Variants in LIMK2 observed in about 807,000 individuals in gnomAD.
LIMK2 encodes the protein LIM domain kinase 2.
In LIMK2, 35 loss-of-function variants were observed where a neutral mutation model predicts 75.7. The ratio of observed to expected loss-of-function variants is 0.46; its 90% CI spans 0.35 to 0.61. The LOEUF (loss-of-function observed/expected upper bound fraction) is 0.61, where lower values mean the gene tolerates loss of function less well. Among genes scored for constraint, LIMK2 ranks in the 20% least tolerant of loss-of-function variants. The probability of loss-of-function intolerance (pLI) is 0.00; values close to 1 mark genes in which losing one functional copy is unlikely to be tolerated. For missense variants in LIMK2, 623 were observed against 831.0 expected (o/e 0.75, Z 3.08); for synonymous variants, 301 against 319.2 (o/e 0.94, Z 0.61).
At chr22:31,270,270 G>A (rs1360324192) in intron 11 of LIMK2, among the ~76,000 whole-genome samples, 1 of 152,152 alleles carries the variant, frequency 6.6e-6, no homozygotes, top group African/African-American at 2.4e-5. Context: ...ATGGCTTTGA[G>A]CAGGGCTGAC....
intron 2 of LIMK2, among the ~76,000 whole-genome samples, chr22:31,231,871 C>T (rs2048531864): frequency 6.6e-6 from 1 of 152,054 alleles, no homozygotes; most frequent in Non-Finnish European, 1.5e-5. Flanking sequence ...GGCTACAGTG[C>T]ACTGGTACAA....
chr22:31,251,323 C>T (rs1423661433), intron 2 of LIMK2, among the ~76,000 whole-genome samples: 1 of 152,182 alleles, frequency 6.6e-6, no homozygotes, highest in Non-Finnish European at 1.5e-5. Flanking sequence ...CCAAAGCAAT[C>T]CATGTTTAAA....
intron 1 of LIMK2, among the ~76,000 whole-genome samples, chr22:31,214,947 T>TA (rs1331657742): frequency 3.3e-5 from 5 of 152,106 alleles, no homozygotes; most frequent in African/African-American, 1.2e-4. Context: ...AGGCAAGTGC[T>TA]ACCACGCCCA....
intron 7 of LIMK2, among the ~76,000 whole-genome samples, chr22:31,263,115 G>C (rs739427): frequency 0.38 from 58,100 of 152,158 alleles, 12,858 homozygotes; most frequent in Middle Eastern, 0.57. Flanking sequence ...GCCTGGAGTA[G>C]GGGCACAGAT....
At chr22:31,277,530 C>A (rs1235079931) in intron 15 of LIMK2, 1 of 1,011,528 alleles carries the variant, frequency 9.9e-7, no homozygotes, top group Non-Finnish European at 1.2e-6. Flanking sequence ...TTCAGTAACA[C>A]CAGTGTAAAA....
chr22:31,257,002 C>T (rs1280829576), intron 2 of LIMK2, among the ~76,000 whole-genome samples: 5 of 143,390 alleles, frequency 3.5e-5, no homozygotes, highest in South Asian at 4.6e-4. Flanking sequence ...AGAGGTGGAG[C>T]TTCATAGCCA....
At chr22:31,240,042 C>T (rs2048611490) in intron 2 of LIMK2, among the ~76,000 whole-genome samples, 1 of 152,190 alleles carries the variant, frequency 6.6e-6, no homozygotes. Context: ...ACTGTAGCAA[C>T]CTGCTGTGCT....
chr22:31,225,956 A>G, intron 2 of LIMK2, 137 bp downstream of exon 2: 1 of 710,884 alleles, frequency 1.4e-6, no homozygotes, highest in Non-Finnish European at 2.4e-6. Flanking sequence ...GTACCAAGGA[A>G]GAGCTCATGA....
intron 2 of LIMK2, among the ~76,000 whole-genome samples, chr22:31,240,872 C>G (rs187919065): frequency 6.6e-6 from 1 of 152,260 alleles, no homozygotes; most frequent in East Asian, 1.9e-4. Context: ...ATGTCAATCA[C>G]CAAACATTTA....
intron 2 of LIMK2, 24 bp downstream of exon 2, chr22:31,225,843 T>A: frequency 2.6e-6 from 4 of 1,532,292 alleles, no homozygotes; most frequent in Non-Finnish European, 3.6e-6. Flanking sequence ...TCCTCCCATC[T>A]TTACCAGTGT....
chr22:31,265,935 C>T lies in LIMK2; in HGVS notation c.855-11C>T. The T allele has an allele frequency of 6.2e-7, 1 of 1,613,412 alleles. No individual in the cohort carries two copies. The highest frequency in any genetic ancestry group is 8.5e-7 in the Non-Finnish European group (1 of 1,179,438). On this transcript the variant is annotated splice_polypyrimidine_tract_variant and intron_variant, in intron 7 of 15. Coordinates refer to ENST00000331728, the MANE Select transcript of LIMK2 (RefSeq NM_005569.4). Reference sequence around the variant, plus strand: ...CTACACATCCCTACTCCCGTCTTTCCTCATCTTCAGGCGCAGTAACAGTAT... The same window carrying T: ...CTACACATCCCTACTCCCGTCTTTCTTCATCTTCAGGCGCAGTAACAGTAT...
At chr22:31,236,477 C>T (rs543348835) in intron 2 of LIMK2, among the ~76,000 whole-genome samples, 12 of 149,734 alleles carry the variant, frequency 8.0e-5, no homozygotes, top group African/African-American at 2.9e-4. Context: ...GGCATGGTGG[C>T]TCATGCCTGT....
rs570606511 is a variant in LIMK2 at position 31,259,739 on chromosome 22, C to T, written c.363-150C>T. Reference sequence around the variant, plus strand: ...CCAGCCCACCCTGAGAACCCAGGCTCCTCATTCTGAGCAGCCAGCTAGAAT... The same window carrying T: ...CCAGCCCACCCTGAGAACCCAGGCTTCTCATTCTGAGCAGCCAGCTAGAAT... On this transcript the variant is annotated intron_variant, in intron 4 of 15. Coordinates refer to ENST00000331728, the MANE Select transcript of LIMK2 (RefSeq NM_005569.4). 7 of 628,720 alleles carry T rather than the reference C, an allele frequency of 1.1e-5. No homozygotes were observed. In the Admixed American group the frequency reaches 1.5e-4, roughly 14 times the overall value. 38.9% of individuals were successfully genotyped at this position (628,720 alleles called of 1,614,324 possible).
At chr22:31,237,260 CAAA>C (rs1349737616) in intron 2 of LIMK2, among the ~76,000 whole-genome samples, 3 of 61,952 alleles carry the variant, frequency 4.8e-5, no homozygotes, top group Non-Finnish European at 3.3e-5. Context: ...GACTCTGTCT[CAAA>C]AAAAAAAAAA....
chr22:31,271,190 CTCA>C lies in LIMK2; in HGVS notation c.1376_1378del (p.Ile459del), dbSNP rs1409468836. 6.2e-7 allele frequency: 1 copy of C among 1,613,998 alleles called. No individual in the cohort carries two copies. Among genetic ancestry groups the C allele is most frequent in the Non-Finnish European group, 8.5e-7 (1 of 1,179,922 alleles). ...CCGGGATCTGAACTCGCACAACTGC[CTCA>C]TCAAGTTGGTATGTCCCACTGCTCT... is the stretch of plus-strand genomic sequence containing the variant. On this transcript the variant is annotated inframe_deletion, in exon 12 of 16. Coordinates refer to ENST00000331728, the MANE Select transcript of LIMK2 (RefSeq NM_005569.4).
intron 2 of LIMK2, among the ~76,000 whole-genome samples, chr22:31,239,871 A>T (rs926101001): frequency 6.6e-6 from 1 of 151,190 alleles, no homozygotes. Flanking sequence ...ATGCACCATT[A>T]CCATCTCTTC....
chr22:31,236,289 A>C lies in LIMK2; in HGVS notation c.116+10470A>C, dbSNP rs557704260. The stretch of plus-strand genomic sequence containing the variant: ...AGCCTGGGTGACAAGAGCTAGACTC[A>C]GTCTAAAAAAAAAAAAAAAAAACAA... On this transcript the variant is annotated intron_variant, in intron 2 of 15. Coordinates refer to ENST00000331728, the MANE Select transcript of LIMK2 (RefSeq NM_005569.4). Among the ~76,000 whole-genome samples, 7 of 131,876 alleles carry C rather than the reference A, an allele frequency of 5.3e-5. No individual in the cohort carries two copies. The East Asian group carries it at 1.3e-3, about 24-fold the overall frequency. 86.5% of individuals were successfully genotyped at this position (131,876 alleles called of 152,430 possible).
chr22:31,256,629 T>C (rs1452170767), intron 2 of LIMK2, among the ~76,000 whole-genome samples: 3 of 152,002 alleles, frequency 2.0e-5, no homozygotes, highest in Non-Finnish European at 2.9e-5. Context: ...CATAAGCCAC[T>C]GTGCCCAGCT....
intron 2 of LIMK2, among the ~76,000 whole-genome samples, chr22:31,237,776 A>T (rs1470003209): frequency 6.6e-6 from 1 of 151,998 alleles, no homozygotes; most frequent in East Asian, 1.9e-4. Context: ...ATATCTAAAG[A>T]AGTAGTTATT....
Sources: allele counts gnomAD v4.1 joint callset (sites outside exome capture counted in the v4.1 genomes callset), GRCh38; gene constraint gnomAD v4.1.1; transcripts MANE v1.5; gene names NCBI Gene and HGNC (gene_info 2026-07-23, HGNC 2026-07-21).